USP40: variants seen among roughly 807,000 people sequenced by gnomAD.
The protein encoded by USP40 is ubiquitin carboxyl-terminal hydrolase 40.
A neutral mutation model predicts 166.2 loss-of-function variants in USP40; 143 were observed. That is an observed-to-expected ratio of 0.86 (90% CI 0.75 to 0.99). The LOEUF is 0.99. Ranked by LOEUF, USP40 falls within the 50% of genes least tolerant of loss-of-function variation. The probability of loss-of-function intolerance (pLI) is 0.00; values close to 1 mark genes in which losing one functional copy is unlikely to be tolerated. For missense variants in USP40, 1,444 were observed against 1,479.7 expected (o/e 0.98, Z 0.40); for synonymous variants, 498 against 524.0 (o/e 0.95, Z 0.68).
intron 14 of USP40, among the ~76,000 whole-genome samples, 175 bp from the exon 15 acceptor site, chr2:233,524,737 T>C (rs1424373039): frequency 6.6e-6 from 1 of 152,198 alleles, no homozygotes; most frequent in African/African-American, 2.4e-5. Context: ...CTTTAAAACG[T>C]TGTGACAAAA....
At chr2:233,502,908 T>C (rs1023286898) in intron 21 of USP40, among the ~76,000 whole-genome samples, 1 of 151,162 alleles carries the variant, frequency 6.6e-6, no homozygotes, top group African/African-American at 2.4e-5. Context: ...CTCCATAAAA[T>C]TGGAAAAAGT....
intron 17 of USP40, 149 bp downstream of exon 17, chr2:233,520,842 A>G: frequency 1.2e-6 from 1 of 820,920 alleles, no homozygotes; most frequent in Non-Finnish European, 1.8e-6. Flanking sequence ...TAGGTAAACA[A>G]GCAATAATCA....
chr2:233,553,041 C>T (rs2070725484), intron 6 of USP40, among the ~76,000 whole-genome samples: 1 of 89,830 alleles, frequency 1.1e-5, no homozygotes, highest in South Asian at 4.1e-4. Flanking sequence ...ATAATAACGA[C>T]AGCAGCAGGG....
In USP40 at chr2:233,525,484, G is replaced by A. The variant is rs1212868345; in HGVS notation, c.1804C>T (p.Leu602Phe). ...VPAGLHIYQS[L>F]GGDELTLCET... ...GTTTTCATATTTATCTTACCGCCAA[G>A]TGACTGGTAAATGTGAAGTCCTGCT... is the stretch of plus-strand genomic sequence containing the variant. The change falls in exon 14 of 32, where the codon CTT (leucine) becomes TTT (phenylalanine). Residue 602 changes from leucine (L) to phenylalanine (F), a missense_variant. Physicochemically the swap from Leu to Phe is conservative, Grantham distance 22 (BLOSUM62 0). Transcript: ENST00000678225. 6.2e-7 allele frequency: 1 copy of A among 1,612,202 alleles called. No individual in the cohort carries two copies. The highest frequency in any genetic ancestry group is 8.5e-7 in the Non-Finnish European group (1 of 1,178,696).
intron 21 of USP40, among the ~76,000 whole-genome samples, chr2:233,504,568 G>A (rs2066287690): frequency 6.6e-6 from 1 of 151,932 alleles, no homozygotes; most frequent in Admixed American, 6.6e-5. Context: ...CATTGTAGAA[G>A]AAGGTCATTA....
chr2:233,480,747 C>T lies in USP40; in HGVS notation c.3599+456G>A, dbSNP rs537069495. On this transcript the variant is annotated intron_variant, in intron 31 of 31. Coordinates refer to ENST00000678225, the MANE Select transcript of USP40 (RefSeq NM_001365479.2). This position sits in a 1 kb window ranked among gnomAD's most constrained non-coding sequence, Gnocchi z 4.5. ...AGGAAGTGGGGTAGCAGCCCTGAAG[C>T]CACAGCAGCGTCCCCTGGAGTGGCC... Among the ~76,000 whole-genome samples, 1 of 152,304 alleles carries T rather than the reference C, an allele frequency of 6.6e-6. No homozygotes were observed. Among genetic ancestry groups the T allele is most frequent in the East Asian group, 1.9e-4 (1 of 5,188 alleles).
chr2:233,523,436 A>G lies in USP40; in HGVS notation c.1935T>C (p.Asn645=). 6.2e-7 allele frequency: 1 copy of G among 1,614,028 alleles called. No homozygotes were observed. Among genetic ancestry groups the G allele is most frequent in the South Asian group, 1.1e-5 (1 of 91,086 alleles). The change falls in exon 16 of 32, where the codon AAT becomes AAC. Residue 645 remains asparagine (N), a synonymous_variant. Coordinates refer to ENST00000678225, the MANE Select transcript of USP40 (RefSeq NM_001365479.2). ...TGIDCEPLLL[N]VLHLDTSSDG... ...CACTGCTTGTGTCTAGATGAAGAACATTTAAAAGTAGAGGTTCGCAGTCAA... is the reference window on the plus strand; with the variant it reads ...CACTGCTTGTGTCTAGATGAAGAACGTTTAAAAGTAGAGGTTCGCAGTCAA...
rs771171907 is a variant in USP40, at chr2:233,533,727, A to G, written c.1223T>C (p.Val408Ala). 1.9e-5 allele frequency: 30 copies of G among 1,612,840 alleles called. No individual in the cohort carries two copies. Among genetic ancestry groups the G allele is most frequent in the Non-Finnish European group, 2.5e-5 (29 of 1,179,444 alleles). The change falls in exon 11 of 32, where the codon GTT (valine) becomes GCT (alanine). Residue 408 changes from valine (V) to alanine (A), a missense_variant. By Grantham distance (64) the Val-to-Ala change is moderately conservative. Coordinates refer to ENST00000678225, the MANE Select transcript of USP40 (RefSeq NM_001365479.2). Reference protein sequence around the residue: ...IFLLSSDESTVRLLKNSSLQA... With the variant: ...IFLLSSDESTARLLKNSSLQA... ...GAGAGAACTATTCTTCAAGAGACGA[A>G]CTGTACTTTCATCTGAACTGAGTAG...
At chr2:233,531,764 G>C (rs1208484456) in intron 11 of USP40, among the ~76,000 whole-genome samples, 1 of 152,130 alleles carries the variant, frequency 6.6e-6, no homozygotes, top group Non-Finnish European at 1.5e-5. Context: ...CATTCTCTAA[G>C]AACAATATTC....
rs2070556101 is a variant in USP40, at chr2:233,551,477, A to C, written c.736T>G (p.Leu246Val). 1 of 1,609,294 alleles carries C rather than the reference A, an allele frequency of 6.2e-7. No individual in the cohort carries two copies. Among genetic ancestry groups the C allele is most frequent in the Non-Finnish European group, 8.5e-7 (1 of 1,177,962 alleles). ...ACAAAATCAAAATTAAATCTTAGTA[A>C]TGAAACAGTAAGAAAAGGAGGCAGC... ...RKLPPFLTVS[L>V]LRFNFDFVKC... Residue 246 changes from leucine to valine, a missense_variant, in exon 7 of 32, where the codon TTA (leucine) becomes GTA (valine). Coordinates refer to ENST00000678225, the MANE Select transcript of USP40 (RefSeq NM_001365479.2).
chr2:233,493,654 G>A lies in USP40; in HGVS notation c.2791-103C>T. Reference sequence around the variant, plus strand: ...CACCTTGATGACCTAAGATGTTCTTGAACTTATCATTTTTCCTTTTAGATT... The same window carrying A: ...CACCTTGATGACCTAAGATGTTCTTAAACTTATCATTTTTCCTTTTAGATT... On this transcript the variant is annotated intron_variant, in intron 24 of 31. Transcript: ENST00000678225. The surrounding 1 kb of genome is among the most constrained non-coding windows in gnomAD (Gnocchi z 4.7). The A allele has an allele frequency of 7.9e-7, 1 of 1,262,168 alleles. No homozygotes were observed. The highest frequency in any genetic ancestry group is 3.0e-5 in the Admixed American group (1 of 33,208). The allele number at this position is 1,262,168 out of a possible 1,614,324, so 78.2% of individuals were successfully genotyped here.
chr2:233,505,820 C>T (rs1453506106), intron 21 of USP40, among the ~76,000 whole-genome samples: 1 of 152,026 alleles, frequency 6.6e-6, no homozygotes, highest in African/African-American at 2.4e-5. Context: ...TTTTATGAGG[C>T]CAGCATTATC....
At chr2:233,500,559 C>A (rs1459716059) in intron 21 of USP40, among the ~76,000 whole-genome samples, 2 of 151,468 alleles carry the variant, frequency 1.3e-5, no homozygotes, top group Non-Finnish European at 2.9e-5. Context: ...CAAAAGAGAG[C>A]AAAAATAAGG....
At chr2:233,525,700 C>G in intron 13 of USP40, 138 bp from the exon 14 acceptor site, 1 of 564,768 alleles carries the variant, frequency 1.8e-6, no homozygotes, top group Non-Finnish European at 3.0e-6. Context: ...CACCCAACAC[C>G]GAAAACTTGA....
chr2:233,528,169 G>C (rs771381044), intron 12 of USP40, among the ~76,000 whole-genome samples: 3 of 151,982 alleles, frequency 2.0e-5, no homozygotes, highest in Non-Finnish European at 4.4e-5. Flanking sequence ...GGTAGAGATG[G>C]GGTTTCACCA....
chr2:233,529,255 A>G (rs1157028485), intron 12 of USP40, among the ~76,000 whole-genome samples, 176 bp downstream of exon 12: 1 of 152,226 alleles, frequency 6.6e-6, no homozygotes, highest in Non-Finnish European at 1.5e-5. Flanking sequence ...CACATAAGGG[A>G]TAATTTCAGA....
chr2:233,485,395 C>CT, intron 30 of USP40, 136 bp downstream of exon 30: 1 of 768,364 alleles, frequency 1.3e-6, no homozygotes, highest in Non-Finnish European at 2.1e-6. Flanking sequence ...AGTTTTCCCT[C>CT]TTTTTTATCC....
At chr2:233,505,532 G>A (rs1575251144) in intron 21 of USP40, among the ~76,000 whole-genome samples, 1 of 152,086 alleles carries the variant, frequency 6.6e-6, no homozygotes, top group Non-Finnish European at 1.5e-5. Flanking sequence ...AGGATCATAA[G>A]AGACTATTAT....
rs2070859542 is a variant in USP40 at position 233,554,371 on chromosome 2, T to A, written c.693+9A>T. The A allele has an allele frequency of 6.3e-7, 1 of 1,591,618 alleles. No individual in the cohort carries two copies. The highest frequency in any genetic ancestry group is 8.5e-7 in the Non-Finnish European group (1 of 1,171,812). ...GGGACCCTGGGAAAAAGCAGTTATC[T>A]GTCTTTACCTTTGCTGCTTTAACCA... is the stretch of plus-strand genomic sequence containing the variant. On this transcript the variant is annotated intron_variant, in intron 6 of 31. Transcript: ENST00000678225.
Sources: allele counts gnomAD v4.1 joint callset (sites outside exome capture counted in the v4.1 genomes callset), GRCh38; gene constraint gnomAD v4.1.1; non-coding constraint Gnocchi (gnomAD v3.1); transcripts MANE v1.5; gene names NCBI Gene and HGNC (gene_info 2026-07-23, HGNC 2026-07-21).